The following PIK3R1 variants were observed in gnomAD, a reference collection of about 807,000 sequenced individuals.
PIK3R1 encodes the protein phosphoinositide-3-kinase regulatory subunit 1.
A neutral mutation model predicts 98.0 loss-of-function variants in PIK3R1; 29 were observed. That is an observed-to-expected ratio of 0.30 (90% CI 0.22 to 0.40). PIK3R1 has a LOEUF of 0.40. PIK3R1 is among the 10% of genes least tolerant of loss of function. The probability of loss-of-function intolerance (pLI) is 1.00; values close to 1 mark genes in which losing one functional copy is unlikely to be tolerated. For synonymous variants in PIK3R1, 282 were observed against 311.8 expected (o/e 0.90, Z 1.01); for missense variants, 596 against 872.7 (o/e 0.68, Z 3.99).
chr5:68,254,323 G>A (rs929393338), intron 2 of PIK3R1, among the ~76,000 whole-genome samples: 4 of 152,190 alleles, frequency 2.6e-5, no homozygotes, highest in Non-Finnish European at 5.9e-5. Context: ...AATTAGTATG[G>A]AAAATTGGAA....
At chr5:68,263,145 T>C (rs201914526) in intron 2 of PIK3R1, among the ~76,000 whole-genome samples, 4 of 136,140 alleles carry the variant, frequency 2.9e-5, no homozygotes, top group African/African-American at 8.1e-5. Context: ...ACATATATAT[T>C]TATATATGTA....
At chr5:68,296,857 T>TA (rs1747742818) in intron 15 of PIK3R1, among the ~76,000 whole-genome samples, 1 of 152,218 alleles carries the variant, frequency 6.6e-6, no homozygotes, top group South Asian at 2.1e-4. Context: ...GGAATGGTTC[T>TA]AAAAGTATGT....
intron 2 of PIK3R1, among the ~76,000 whole-genome samples, chr5:68,272,625 A>AT (rs749191086): frequency 5.3e-5 from 8 of 152,202 alleles, no homozygotes; most frequent in Non-Finnish European, 1.0e-4. Flanking sequence ...ATCCAGTTAG[A>AT]TTTTTTGGTA....
rs1236819160 is a variant in PIK3R1, at chr5:68,299,504, T to G, written c.*1903T>G. ...GGAGTGAGAGGTCTCTCTTCCTGAT[T>G]TAGATATGCAAAAGCTGGTATGTTC... On this transcript the variant is annotated 3_prime_UTR_variant, in exon 16 of 16. Transcript: ENST00000521381. 3 of 233,162 alleles carry G rather than the reference T, an allele frequency of 1.3e-5. No individual in the cohort carries two copies. 14.4% of individuals were successfully genotyped at this position (233,162 alleles called of 1,614,324 possible).
At chr5:68,271,917 G>A (rs369988541) in intron 2 of PIK3R1, among the ~76,000 whole-genome samples, 1 of 152,066 alleles carries the variant, frequency 6.6e-6, no homozygotes, top group Non-Finnish European at 1.5e-5. Flanking sequence ...ACGTGAATTT[G>A]TTCTATGTTG....
chr5:68,257,561 C>A (rs1745568905), intron 2 of PIK3R1, among the ~76,000 whole-genome samples: 1 of 152,212 alleles, frequency 6.6e-6, no homozygotes, highest in Admixed American at 6.5e-5. Context: ...TCTGCTAATA[C>A]TTTTACTCCT....
At chr5:68,255,845 T>TG (rs1745493617) in intron 2 of PIK3R1, among the ~76,000 whole-genome samples, 1 of 152,232 alleles carries the variant, frequency 6.6e-6, no homozygotes, top group African/African-American at 2.4e-5. Flanking sequence ...GGTGATTATT[T>TG]GGGGCTTTGG....
intron 1 of PIK3R1, among the ~76,000 whole-genome samples, chr5:68,216,255 C>G (rs963164866): frequency 1.6e-4 from 24 of 152,220 alleles, no homozygotes; most frequent in African/African-American, 5.8e-4. Context: ...GAGTTGCCGA[C>G]GAGCTCGGGC....
At chr5:68,247,055 GTAGT>G (rs1745125798) in intron 2 of PIK3R1, among the ~76,000 whole-genome samples, 1 of 152,188 alleles carries the variant, frequency 6.6e-6, no homozygotes, top group Non-Finnish European at 1.5e-5. Context: ...GTTCTCACAG[GTAGT>G]TAGTAGTGTG....
At chr5:68,288,622 C>T (rs1463892007) in intron 7 of PIK3R1, 10 of 1,579,044 alleles carry the variant, frequency 6.3e-6, no homozygotes, top group Non-Finnish European at 7.7e-6. Flanking sequence ...CACTGCCTGC[C>T]GGGAACAGGC....
Position 68,243,870 on chromosome 5 carries a change from G to A in PIK3R1, c.334+16861G>A, listed in dbSNP as rs141940634. 7.4e-4 allele frequency among the ~76,000 whole-genome samples: 113 copies of A among 152,280 alleles called. No homozygotes were observed. The East Asian group carries it at 0.016, about 21-fold the overall frequency. On this transcript the variant is annotated intron_variant, in intron 2 of 15. Coordinates refer to ENST00000521381, the MANE Select transcript of PIK3R1 (RefSeq NM_181523.3). ...TATGTAAAATGGCTCCTTAAGCTTC[G>A]TGGACAATTGAGTAATTTCAGTTTC...
chr5:68,261,253 CAG>C (rs1196755551), intron 2 of PIK3R1, among the ~76,000 whole-genome samples: 1 of 152,114 alleles, frequency 6.6e-6, no homozygotes, highest in Non-Finnish European at 1.5e-5. Flanking sequence ...CTCCAAAACA[CAG>C]AATTTAAGCA....
chr5:68,291,828 A>G (rs537844047), intron 7 of PIK3R1: 2 of 154,914 alleles, frequency 1.3e-5, no homozygotes, highest in East Asian at 3.8e-4. Context: ...CAGAGACCAA[A>G]TTTGTCTTTC....
chr5:68,294,622 C>T lies in PIK3R1; in HGVS notation c.1512C>T (p.Tyr504=), dbSNP rs1483544920. 9 of 1,611,626 alleles carry T rather than the reference C, an allele frequency of 5.6e-6. No homozygotes were observed. The East Asian group carries it at 1.6e-4, about 28-fold the overall frequency. Reference sequence around the variant, plus strand: ...AACAGTGCCAGACCCAAGAGCGGTACAGCAAAGAATACATAGAAAAGTTTA... The same window carrying T: ...AACAGTGCCAGACCCAAGAGCGGTATAGCAAAGAATACATAGAAAAGTTTA... ...FEEQCQTQER[Y]SKEYIEKFKR... is the part of the protein sequence containing the mutation. Residue 504 remains tyrosine, a synonymous_variant, in exon 12 of 16, where the codon TAC becomes TAT. Transcript: ENST00000521381.
Position 68,300,548 on chromosome 5 carries a change from C to T in PIK3R1, c.*2947C>T, listed in dbSNP as rs1747983367. 4.3e-6 allele frequency: 1 copy of T among 233,200 alleles called. No homozygotes were observed. The highest frequency in any genetic ancestry group is 8.5e-6 in the Non-Finnish European group (1 of 118,016). 14.4% of individuals were successfully genotyped at this position (233,200 alleles called of 1,614,324 possible). A position where few individuals can be genotyped will look rare whatever the true frequency, so the allele number is the denominator to read the frequency against. ...GCATTGGGACCTCACATTACACACA[C>T]GAGAGATCATAACCATGTGAAAAGG... On this transcript the variant is annotated 3_prime_UTR_variant, in exon 16 of 16. Transcript: ENST00000521381.
intron 2 of PIK3R1, among the ~76,000 whole-genome samples, chr5:68,245,678 C>T (rs758777922): frequency 6.6e-6 from 1 of 152,116 alleles, no homozygotes; most frequent in African/African-American, 2.4e-5. Context: ...TTAAAAAATA[C>T]ATTTGGGACA....
intron 2 of PIK3R1, among the ~76,000 whole-genome samples, chr5:68,251,977 G>A (rs1447978091): frequency 6.6e-6 from 1 of 152,192 alleles, no homozygotes; most frequent in Non-Finnish European, 1.5e-5. Flanking sequence ...ACTGCCTCAA[G>A]TTCATCAGCA....
chr5:68,278,965 G>A (rs905648259), intron 4 of PIK3R1, among the ~76,000 whole-genome samples: 7 of 152,072 alleles, frequency 4.6e-5, no homozygotes, highest in African/African-American at 1.2e-4. Context: ...CTTACTTCTC[G>A]TGGTTCTGGA....
chr5:68,290,800 A>C (rs772362142), intron 7 of PIK3R1: 1 of 1,613,254 alleles, frequency 6.2e-7, no homozygotes, highest in Non-Finnish European at 8.5e-7. Flanking sequence ...ATTGTGGCAC[A>C]GACTTGATGT....
Sources: allele counts gnomAD v4.1 joint callset (sites outside exome capture counted in the v4.1 genomes callset), GRCh38; gene constraint gnomAD v4.1.1; transcripts MANE v1.5; gene names NCBI Gene and HGNC (gene_info 2026-07-23, HGNC 2026-07-21).